Variants in ADGRB3 observed in about 807,000 individuals in gnomAD.
ADGRB3 encodes the protein brain-specific angiogenesis inhibitor 3.
ADGRB3 carries 37 observed loss-of-function variants against 193.4 expected under a neutral mutation model. The ratio of observed to expected loss-of-function variants is 0.19; its 90% CI spans 0.15 to 0.25. The LOEUF (loss-of-function observed/expected upper bound fraction) is 0.25, where lower values mean the gene tolerates loss of function less well. Among genes scored for constraint, ADGRB3 ranks in the 10% least tolerant of loss-of-function variants. ADGRB3 has a pLI of 1.00. For synonymous variants in ADGRB3, 690 were observed against 644.2 expected, an observed-to-expected ratio of 1.07 and a Z score of -1.08; for missense variants, 1,637 against 1,852.9, an observed-to-expected ratio of 0.88 and a Z score of 2.14.
intron 16 of ADGRB3, among the ~76,000 whole-genome samples, chr6:69,075,750 C>A (rs544176091): frequency 2.6e-5 from 4 of 152,034 alleles, no homozygotes; most frequent in South Asian, 2.1e-4. Context: ...TAACTTCCAG[C>A]AAAACTAAAT....
intron 17 of ADGRB3, among the ~76,000 whole-genome samples, chr6:69,188,411 C>T (rs1273381176): frequency 3.3e-5 from 5 of 151,998 alleles, no homozygotes; most frequent in African/African-American, 9.7e-5. Context: ...TGGGTTCAAG[C>T]GATTCTCTTG....
intron 6 of ADGRB3, among the ~76,000 whole-genome samples, chr6:68,951,095 A>T (rs779805562): frequency 6.6e-6 from 1 of 152,114 alleles, no homozygotes; most frequent in Non-Finnish European, 1.5e-5. Flanking sequence ...ATGCCAACAG[A>T]TATTTTACAT....
In ADGRB3 at chr6:68,782,590, C is replaced by T. The variant is rs189428325; in HGVS notation, c.757+143158C>T. Among the ~76,000 whole-genome samples the T allele has an allele frequency of 1.9e-3, 286 of 152,274 alleles. 3 individuals are homozygous for T. The highest frequency in any genetic ancestry group is 6.6e-3 in the African/African-American group (276 of 41,576). On this transcript the variant is annotated intron_variant, in intron 3 of 31. Transcript: ENST00000370598. The stretch of plus-strand genomic sequence containing the variant: ...TTGAACTAGTTTACAGTCCCACCAA[C>T]AGTGCAGAAGTGTTCCTATTTCTCC...
chr6:69,336,705 G>A (rs1768857218), intron 24 of ADGRB3, among the ~76,000 whole-genome samples: 1 of 151,772 alleles, frequency 6.6e-6, no homozygotes, highest in Non-Finnish European at 1.5e-5. Flanking sequence ...GACAACTCAA[G>A]GTTTTTTTTA....
intron 17 of ADGRB3, among the ~76,000 whole-genome samples, chr6:69,152,598 G>A (rs1359059488): frequency 6.6e-6 from 1 of 152,146 alleles, no homozygotes; most frequent in Non-Finnish European, 1.5e-5. Flanking sequence ...AGTCATAAGG[G>A]TAGTTGTGTT....
chr6:68,840,276 TAGA>T (rs1290509218), intron 3 of ADGRB3, among the ~76,000 whole-genome samples: 1 of 149,978 alleles, frequency 6.7e-6, no homozygotes, highest in Non-Finnish European at 1.5e-5. Flanking sequence ...CTTTTTTCTG[TAGA>T]AGGAGAGGGA....
chr6:69,254,867 C>T (rs1288854216), intron 20 of ADGRB3, among the ~76,000 whole-genome samples: 1 of 121,432 alleles, frequency 8.2e-6, no homozygotes, highest in African/African-American at 3.1e-5. Flanking sequence ...CTCCCCCCAC[C>T]CCACAACAGT....
At chr6:68,639,570 T>C in intron 3 of ADGRB3, 138 bp downstream of exon 3, 1 of 1,221,342 alleles carries the variant, frequency 8.2e-7, no homozygotes, top group South Asian at 1.7e-5. Flanking sequence ...TGCTATTCAC[T>C]GATAAAGGTC....
At chr6:68,685,824 C>T (rs933415895) in intron 3 of ADGRB3, among the ~76,000 whole-genome samples, 2 of 152,006 alleles carry the variant, frequency 1.3e-5, no homozygotes, top group Non-Finnish European at 2.9e-5. Context: ...TCTGGAGGGG[C>T]GGAGGTTGCA....
intron 17 of ADGRB3, among the ~76,000 whole-genome samples, chr6:69,103,792 A>G (rs987733656): frequency 2.0e-5 from 3 of 150,046 alleles, no homozygotes; most frequent in Admixed American, 2.0e-4. Flanking sequence ...ATATTATTAT[A>G]TTTATTTTAT....
chr6:69,023,539 C>A (rs1194461331), intron 13 of ADGRB3, among the ~76,000 whole-genome samples: 1 of 151,896 alleles, frequency 6.6e-6, no homozygotes, highest in Non-Finnish European at 1.5e-5. Flanking sequence ...AAAAAATGGC[C>A]TATTTTAATA....
At position 69,250,544 on chromosome 6, in the gene ADGRB3, AT is replaced by A. The variant is rs1255972098; in HGVS notation, c.2814+11321del. ...TCAAAACATATTTATAATCCTCACC[AT>A]TTCTACAAGTCAGGAATTTAGGAGA... On this transcript the variant is annotated intron_variant, in intron 20 of 31. Transcript: ENST00000370598. Among the ~76,000 whole-genome samples the A allele has an allele frequency of 3.6e-4, 55 of 152,264 alleles. 1 individual carries two copies. Among genetic ancestry groups the A allele is most frequent in the African/African-American group, 1.3e-3 (54 of 41,566 alleles).
intron 3 of ADGRB3, among the ~76,000 whole-genome samples, chr6:68,893,849 A>T (rs1766147343): frequency 6.6e-6 from 1 of 151,976 alleles, no homozygotes; most frequent in South Asian, 2.1e-4. Flanking sequence ...TTCTAACCCT[A>T]ACTTTATTCA....
intron 3 of ADGRB3, among the ~76,000 whole-genome samples, chr6:68,645,948 C>T (rs1292212252): frequency 1.3e-5 from 2 of 151,832 alleles, no homozygotes; most frequent in Non-Finnish European, 2.9e-5. Context: ...GCTAGGATTA[C>T]AGGCAGGAGC....
chr6:68,944,499 T>C (rs916237640), intron 6 of ADGRB3, among the ~76,000 whole-genome samples: 2 of 152,294 alleles, frequency 1.3e-5, no homozygotes, highest in African/African-American at 4.8e-5. Flanking sequence ...TTACAATCTT[T>C]ATGGGATTAT....
At chr6:68,901,276 A>G (rs1486867439) in intron 3 of ADGRB3, among the ~76,000 whole-genome samples, 1 of 152,042 alleles carries the variant, frequency 6.6e-6, no homozygotes, top group Non-Finnish European at 1.5e-5. Flanking sequence ...TTCCAGGCAC[A>G]CTCATGTTGT....
chr6:69,031,519 C>CTCTTTCTCTCTTTCTTTCTTTCTTTCTT (rs1770685967), intron 13 of ADGRB3, among the ~76,000 whole-genome samples: 3 of 21,270 alleles, frequency 1.4e-4, no homozygotes, highest in African/African-American at 3.6e-4. Context: ...TTTGAGTTGT[C>CTCTTTCTCTCTTTCTTTCTTTCTTTCTT]TCTTTCTTTC....
At chr6:68,789,410 A>G (rs1350112897) in intron 3 of ADGRB3, among the ~76,000 whole-genome samples, 16 of 152,120 alleles carry the variant, frequency 1.1e-4, no homozygotes, top group Non-Finnish European at 2.1e-4. Flanking sequence ...TCCTTCACTT[A>G]TGAAGCTTAG....
intron 20 of ADGRB3, among the ~76,000 whole-genome samples, chr6:69,254,649 C>G (rs952872630): frequency 1.7e-4 from 25 of 151,486 alleles, no homozygotes; most frequent in African/African-American, 5.8e-4. Flanking sequence ...TATTGATTAT[C>G]TTTCCTTATT....
Sources: gnomAD v4.1 joint callset for allele counts (sites outside exome capture counted in the v4.1 genomes callset) on GRCh38, gnomAD v4.1.1 for gene constraint, MANE v1.5 for transcripts, NCBI Gene and HGNC (gene_info 2026-07-23, HGNC 2026-07-21) for gene names.